Variants in CLYBL observed in about 807,000 individuals in gnomAD.
CLYBL encodes citramalyl-CoA lyase, mitochondrial.
Under a neutral mutation model 38.9 loss-of-function variants are expected in CLYBL, and 31 were observed. The ratio of observed to expected loss-of-function variants is 0.80; its 90% CI spans 0.60 to 1.08. CLYBL has a LOEUF of 1.08. CLYBL is among the 50% of genes least tolerant of loss of function. CLYBL has a pLI of 0.00. For missense variants in CLYBL, 434 were observed against 411.6 expected, an observed-to-expected ratio of 1.05 and a Z score of -0.47; for synonymous variants, 171 against 158.6, an observed-to-expected ratio of 1.08 and a Z score of -0.59.
chr13:99,891,572 G>T, intron 8 of CLYBL, 135 bp downstream of exon 8: 1 of 552,266 alleles, frequency 1.8e-6, no homozygotes, highest in Non-Finnish European at 3.2e-6. Context: ...TGTCTCACTG[G>T]CCAGTTATTC....
intron 2 of CLYBL, among the ~76,000 whole-genome samples, chr13:99,817,665 A>G (rs12019527): frequency 6.7e-6 from 1 of 149,946 alleles, no homozygotes; most frequent in Non-Finnish European, 1.5e-5. Flanking sequence ...AAAAAAAAAA[A>G]AAAAAAAAGA....
At chr13:99,748,542 C>T (rs530629129) in intron 1 of CLYBL, among the ~76,000 whole-genome samples, 4 of 142,774 alleles carry the variant, frequency 2.8e-5, no homozygotes, top group Non-Finnish European at 4.5e-5. Context: ...CCGGTTCAAG[C>T]GATTCTCCTG....
At chr13:99,887,744 C>T (rs546430037) in intron 7 of CLYBL, among the ~76,000 whole-genome samples, 1 of 152,242 alleles carries the variant, frequency 6.6e-6, no homozygotes, top group South Asian at 2.1e-4. Flanking sequence ...CAGAGTGAAA[C>T]CCAAGGATTC....
chr13:99,715,135 C>T (rs2048292762), intron 1 of CLYBL, among the ~76,000 whole-genome samples: 1 of 152,074 alleles, frequency 6.6e-6, no homozygotes, highest in Non-Finnish European at 1.5e-5. Flanking sequence ...AGAGAGGTAT[C>T]CTGTGCTCTC....
rs145666717 is a variant in CLYBL at position 99,864,845 on chromosome 13, G to A, written c.568G>A (p.Gly190Arg). ...KAVCEETLKV[G>R]PQVGLFLDAV... ...AGTGTGTGAAGAAACCCTGAAGGTC[G>A]GGCCTCAAGTAGGTCTCTTTCTAGA... Residue 190 changes from glycine to arginine, a missense_variant, in exon 5 of 9, where the codon GGG becomes AGG. Physicochemically the swap from Gly to Arg is moderately radical, Grantham distance 125. Transcript: ENST00000339105. 1.1e-5 allele frequency: 18 copies of A among 1,613,846 alleles called. No individual in the cohort carries two copies. The highest frequency in any genetic ancestry group is 8.3e-5 in the Admixed American group (5 of 60,004).
At chr13:99,665,846 G>C (rs1053022774) in intron 1 of CLYBL, among the ~76,000 whole-genome samples, 1 of 152,164 alleles carries the variant, frequency 6.6e-6, no homozygotes, top group African/African-American at 2.4e-5. Flanking sequence ...TTCTCAGATC[G>C]TGCACCGTTC....
At chr13:99,908,582 A>G (rs1371980370) in exon 10 of CLYBL, among the ~76,000 whole-genome samples, 1 of 152,230 alleles carries the variant, frequency 6.6e-6, no homozygotes, top group African/African-American at 2.4e-5. Context: ...TAGGTAAGGT[A>G]AAATAGGAAT....
At chr13:99,859,883 G>C (rs1193372915) in intron 3 of CLYBL, among the ~76,000 whole-genome samples, 1 of 152,144 alleles carries the variant, frequency 6.6e-6, no homozygotes, top group African/African-American at 2.4e-5. Flanking sequence ...TGGGCCCTGT[G>C]AGGTGTGAAA....
chr13:99,823,629 C>A (rs1057348142), intron 2 of CLYBL, among the ~76,000 whole-genome samples: 2 of 152,192 alleles, frequency 1.3e-5, no homozygotes, highest in Admixed American at 6.5e-5. Flanking sequence ...AAGGGCATAG[C>A]CAATGTGGCT....
At chr13:99,773,115 T>C (rs2049435029) in intron 2 of CLYBL, 105 bp downstream of exon 2, 2 of 910,390 alleles carry the variant, frequency 2.2e-6, no homozygotes, top group Non-Finnish European at 1.7e-6. Context: ...CACACTCATC[T>C]TTTGCTGATT....
At chr13:99,675,507 C>T (rs1447745392) in intron 1 of CLYBL, among the ~76,000 whole-genome samples, 1 of 152,128 alleles carries the variant, frequency 6.6e-6, no homozygotes, top group Non-Finnish European at 1.5e-5. Flanking sequence ...ACCCTGTTCC[C>T]ATTAGCAGTC....
At chr13:99,786,596 C>T (rs2049801292) in intron 2 of CLYBL, among the ~76,000 whole-genome samples, 1 of 152,148 alleles carries the variant, frequency 6.6e-6, no homozygotes, top group Non-Finnish European at 1.5e-5. Flanking sequence ...TTTCTTAATC[C>T]AGTCTGTCAT....
intron 1 of CLYBL, among the ~76,000 whole-genome samples, chr13:99,622,469 C>G (rs748343360): frequency 3.9e-5 from 6 of 152,218 alleles, no homozygotes; most frequent in African/African-American, 1.2e-4. Context: ...AAAAACATCT[C>G]TTGGATCTGT....
At chr13:99,736,704 C>T (rs1484758800) in intron 1 of CLYBL, among the ~76,000 whole-genome samples, 1 of 152,156 alleles carries the variant, frequency 6.6e-6, no homozygotes, top group African/African-American at 2.4e-5. Context: ...GTCCTTCTCC[C>T]TCCACGGCCA....
intron 6 of CLYBL, among the ~76,000 whole-genome samples, chr13:99,868,037 G>A (rs575553119): frequency 1.6e-4 from 25 of 152,208 alleles, no homozygotes; most frequent in African/African-American, 6.0e-4. Flanking sequence ...AGCACGAGAA[G>A]CTTATGGACC....
At chr13:99,811,202 A>T (rs2050334682) in intron 2 of CLYBL, among the ~76,000 whole-genome samples, 2 of 152,204 alleles carry the variant, frequency 1.3e-5, no homozygotes, top group Non-Finnish European at 2.9e-5. Context: ...AAACAGATGC[A>T]AGTCCCACTG....
chr13:99,839,641 G>C (rs1175084171), intron 2 of CLYBL, among the ~76,000 whole-genome samples: 3 of 152,156 alleles, frequency 2.0e-5, no homozygotes, highest in Non-Finnish European at 1.5e-5. Flanking sequence ...AGACAGAACA[G>C]AGTGGTGGGG....
chr13:99,865,155 G>A lies in CLYBL; in HGVS notation c.634+244G>A, dbSNP rs7317032. The A allele has an allele frequency of 0.28, 135,990 of 481,248 alleles. 21,349 individuals are homozygous for A. Among genetic ancestry groups the A allele is most frequent in the Middle Eastern group, 0.44 (1,434 of 3,224 alleles). 29.8% of individuals were successfully genotyped at this position (481,248 alleles called of 1,614,324 possible). ...TCATTTATAAAAGACACGAGCAATA[G>A]AAAGCCTGTTGCAGCCCCAGGCATG... On this transcript the variant is annotated intron_variant, in intron 5 of 8. Coordinates refer to ENST00000339105, the MANE Select transcript of CLYBL (RefSeq NM_206808.5). The surrounding 1 kb of genome is among the most constrained non-coding windows in gnomAD (Gnocchi z 4.7).
At chr13:99,906,100 G>T (rs899044633) in intron 9 of CLYBL, among the ~76,000 whole-genome samples, 28 of 152,148 alleles carry the variant, frequency 1.8e-4, no homozygotes, top group Admixed American at 1.6e-3. Context: ...ATGGCAAAAG[G>T]GAAAATGCTG....
Sources: allele counts gnomAD v4.1 joint callset (sites outside exome capture counted in the v4.1 genomes callset), GRCh38; gene constraint gnomAD v4.1.1; non-coding constraint Gnocchi (gnomAD v3.1); transcripts MANE v1.5; gene names NCBI Gene and HGNC (gene_info 2026-07-23, HGNC 2026-07-21).